Variants in HDGFL3 observed in about 807,000 individuals in gnomAD.
HDGFL3 encodes HDGF like 3.
A neutral mutation model predicts 27.6 loss-of-function variants in HDGFL3; 6 were observed. The observed-to-expected ratio is 0.22, with a 90% CI of 0.12 to 0.43. The LOEUF (loss-of-function observed/expected upper bound fraction) is 0.43, where lower values mean the gene tolerates loss of function less well. HDGFL3 is among the 20% of genes least tolerant of loss of function. The pLI is 1.00. For synonymous variants in HDGFL3, 88 were observed against 88.9 expected, an observed-to-expected ratio of 0.99 and a Z score of 0.05; for missense variants, 207 against 250.1, an observed-to-expected ratio of 0.83 and a Z score of 1.16.
intron 1 of HDGFL3, among the ~76,000 whole-genome samples, chr15:83,184,365 T>C (rs1019351657): frequency 3.3e-5 from 5 of 152,218 alleles, no homozygotes; most frequent in African/African-American, 1.2e-4. Flanking sequence ...AAGGAAACCA[T>C]TTATGCTTGT....
intron 5 of HDGFL3, among the ~76,000 whole-genome samples, chr15:83,148,632 A>AAAT (rs1023687922): frequency 2.6e-5 from 4 of 152,068 alleles, no homozygotes; most frequent in African/African-American, 9.6e-5. Context: ...GAAAAAAAAA[A>AAAT]AATAATAATA....
At chr15:83,122,137 T>C in intron 3 of HDGFL3, 1 of 754,216 alleles carries the variant, frequency 1.3e-6, no homozygotes, top group Non-Finnish European at 2.2e-6. Flanking sequence ...GCAGAATAAT[T>C]CCTTTTTCTC....
At chr15:83,168,307 C>T in intron 1 of HDGFL3, among the ~76,000 whole-genome samples, 1 of 152,030 alleles carries the variant, frequency 6.6e-6, no homozygotes, top group South Asian at 2.1e-4. Flanking sequence ...ATACCAAAAT[C>T]AGAGTGGAAT....
At chr15:83,147,559 T>C (rs2036913709) in intron 5 of HDGFL3, among the ~76,000 whole-genome samples, 1 of 152,148 alleles carries the variant, frequency 6.6e-6, no homozygotes, top group African/African-American at 2.4e-5. Context: ...TAGCCCTACA[T>C]GATATCAGGA....
At chr15:83,119,352 A>G (rs768475321) in intron 3 of HDGFL3, among the ~76,000 whole-genome samples, 15 of 152,224 alleles carry the variant, frequency 9.9e-5, no homozygotes, top group Non-Finnish European at 2.1e-4. Flanking sequence ...TCATGGGCCA[A>G]TTGGCCAGGC....
At chr15:83,176,572 A>C (rs2037313881) in intron 1 of HDGFL3, among the ~76,000 whole-genome samples, 1 of 152,106 alleles carries the variant, frequency 6.6e-6, no homozygotes, top group African/African-American at 2.4e-5. Flanking sequence ...TTATTATCAG[A>C]GTTTCATCCC....
At chr15:83,180,962 T>G (rs952073325) in intron 1 of HDGFL3, 16 of 151,822 alleles carry the variant, frequency 1.1e-4, no homozygotes, top group African/African-American at 3.9e-4. Flanking sequence ...AGAACACTGT[T>G]AAAAGAACTG....
intron 5 of HDGFL3, among the ~76,000 whole-genome samples, chr15:83,148,854 G>A (rs2036932181): frequency 6.6e-6 from 1 of 152,016 alleles, no homozygotes; most frequent in Non-Finnish European, 1.5e-5. Context: ...ACAATATACT[G>A]TTTATACACC....
chr15:83,141,230 C>T (rs1037704322), intron 5 of HDGFL3, among the ~76,000 whole-genome samples: 7 of 152,148 alleles, frequency 4.6e-5, no homozygotes, highest in African/African-American at 1.7e-4. Context: ...GGTTGCCATG[C>T]ACCCCTATAT....
At chr15:83,191,808 T>A (rs1456154310) in intron 1 of HDGFL3, among the ~76,000 whole-genome samples, 2 of 151,974 alleles carry the variant, frequency 1.3e-5, no homozygotes, top group Non-Finnish European at 2.9e-5. Context: ...AAGGCAAAAA[T>A]CACCGAATCC....
chr15:83,122,410 GATAGAT>G (rs1006309990), intron 3 of HDGFL3, among the ~76,000 whole-genome samples: 3 of 151,920 alleles, frequency 2.0e-5, no homozygotes, highest in African/African-American at 4.8e-5. Flanking sequence ...TAGATAGATA[GATAGAT>G]ATAGATATAG....
downstream of HDGFL3, among the ~76,000 whole-genome samples, chr15:83,127,169 G>A (rs1003919576): frequency 6.6e-6 from 1 of 151,158 alleles, no homozygotes; most frequent in Admixed American, 6.6e-5. Context: ...ACTCCAGCCT[G>A]AGTGACAGAG....
chr15:83,189,634 C>T (rs1325012847), intron 1 of HDGFL3: 1 of 152,174 alleles, frequency 6.6e-6, no homozygotes, highest in Non-Finnish European at 1.5e-5. Flanking sequence ...CTTACTAATT[C>T]ATATCTCCCC....
chr15:83,119,858 T>C lies in HDGFL3; in HGVS notation c.394-4117A>G, dbSNP rs2035059018. On this transcript the variant is annotated intron_variant, in intron 3 of 3. Coordinates refer to the HDGFL3 transcript ENST00000568294. ...TCCTTGTACCACTGCCTTTTGAATA[T>C]GTCCTTCTGAATTGCTCCCTAGCAT... is the stretch of plus-strand genomic sequence containing the variant. 1.9e-5 allele frequency: 18 copies of C among 942,226 alleles called. No homozygotes were observed. The South Asian group carries it at 3.3e-4, about 17-fold the overall frequency. The allele number at this position is 942,226 out of a possible 1,614,324, so 58.4% of individuals were successfully genotyped here.
At chr15:83,205,570 T>C (rs978297318) in intron 1 of HDGFL3, among the ~76,000 whole-genome samples, 3 of 152,230 alleles carry the variant, frequency 2.0e-5, no homozygotes, top group African/African-American at 7.2e-5. Context: ...ACAGGCAACA[T>C]ATTAATGAAA....
chr15:83,124,696 G>C, downstream of HDGFL3: 1 of 1,614,050 alleles, frequency 6.2e-7, no homozygotes, highest in Non-Finnish European at 8.5e-7. Context: ...CCAAGCGAAA[G>C]ACCTGCTGAG....
At position 83,115,730 on chromosome 15, in the gene HDGFL3, C is replaced by T; in HGVS notation, c.405G>A (p.Trp135Ter). ...TCTGTTAGTCTATCTCGATAATTGT[C>T]CACAGCATCTTCTGGAAAACATGAA... Residue 135 changes from tryptophan (W) to a stop codon, truncating the protein, a stop_gained, in exon 4 of 4, where the codon TGG (tryptophan) becomes TGA (stop). Transcript: ENST00000568294. LOFTEE classifies it high-confidence loss of function. 1 of 773,574 alleles carries T rather than the reference C, an allele frequency of 1.3e-6. No homozygotes were observed. The highest frequency in any genetic ancestry group is 2.3e-6 in the Non-Finnish European group (1 of 440,708). 47.9% of individuals were successfully genotyped at this position (773,574 alleles called of 1,614,324 possible).
intron 3 of HDGFL3, among the ~76,000 whole-genome samples, chr15:83,119,020 C>A (rs1246822046): frequency 6.6e-6 from 1 of 152,156 alleles, no homozygotes; most frequent in Non-Finnish European, 1.5e-5. Flanking sequence ...TGGACTCAAT[C>A]CTGTCCATCC....
At chr15:83,185,614 C>T (rs909815880) in intron 1 of HDGFL3, among the ~76,000 whole-genome samples, 6 of 152,080 alleles carry the variant, frequency 3.9e-5, no homozygotes, top group African/African-American at 1.4e-4. Context: ...CATGAGATGT[C>T]CTGGGAAGAG....
Sources: allele counts gnomAD v4.1 joint callset (sites outside exome capture counted in the v4.1 genomes callset), GRCh38; gene constraint gnomAD v4.1.1; transcripts MANE v1.5; gene names NCBI Gene and HGNC (gene_info 2026-07-23, HGNC 2026-07-21).